NECTIN3: variants seen among roughly 807,000 people sequenced by gnomAD.
The protein encoded by NECTIN3 is nectin-3.
A neutral mutation model predicts 49.4 loss-of-function variants in NECTIN3; 8 were observed. The observed-to-expected ratio is 0.16, with a 90% CI of 0.10 to 0.29. NECTIN3 has a LOEUF of 0.29. Among genes scored for constraint, NECTIN3 ranks in the 10% least tolerant of loss-of-function variants. The pLI is 1.00. For synonymous variants in NECTIN3, 277 were observed against 241.1 expected, an observed-to-expected ratio of 1.15 and a Z score of -1.38; for missense variants, 581 against 654.6, an observed-to-expected ratio of 0.89 and a Z score of 1.23.
At position 111,134,574 on chromosome 3, in the gene NECTIN3, C is replaced by G. The variant is rs1422690370; in HGVS notation, c.*359C>G. The G allele has an allele frequency of 8.4e-6, 8 of 957,218 alleles. No homozygotes were observed. Among genetic ancestry groups the G allele is most frequent in the East Asian group, 1.1e-4 (1 of 9,104 alleles). 59.3% of individuals were successfully genotyped at this position (957,218 alleles called of 1,614,324 possible). On this transcript the variant is annotated 3_prime_UTR_variant, in exon 6 of 6. Transcript: ENST00000485303. ...TTGACATTGTGTATTAAATGTTTACCTAAGACTATAATCTCAAGTATGATG... is the reference window on the plus strand; with the variant it reads ...TTGACATTGTGTATTAAATGTTTACGTAAGACTATAATCTCAAGTATGATG...
chr3:111,106,341 G>T (rs1349557938), intron 1 of NECTIN3, among the ~76,000 whole-genome samples: 1 of 152,082 alleles, frequency 6.6e-6, no homozygotes, highest in Non-Finnish European at 1.5e-5. Flanking sequence ...TGTGACCCAG[G>T]TTTCTCCTTA....
chr3:111,125,262 C>CA (rs1038363593), intron 4 of NECTIN3, among the ~76,000 whole-genome samples: 107 of 152,078 alleles, frequency 7.0e-4, no homozygotes, highest in African/African-American at 2.1e-3. Context: ...CTCCTGACCT[C>CA]AAGTGATGTG....
chr3:111,171,820 C>T (rs1242456877), intron 7 of NECTIN3, among the ~76,000 whole-genome samples: 1 of 151,946 alleles, frequency 6.6e-6, no homozygotes, highest in Non-Finnish European at 1.5e-5. Flanking sequence ...TCGAACAATT[C>T]ACTTCATTAT....
In NECTIN3 at chr3:111,111,654, T is replaced by C. The variant is rs188207271; in HGVS notation, c.161-376T>C. 3.1e-3 allele frequency among the ~76,000 whole-genome samples: 478 copies of C among 152,312 alleles called. 2 individuals carry two copies. The highest frequency in any genetic ancestry group is 5.2e-3 in the Non-Finnish European group (354 of 68,028). ...CTCAGTCTTTCTCACAAGGCTGCAG[T>C]CAAAGTGTCAGCCAGAGCTGGGAAC... On this transcript the variant is annotated intron_variant, in intron 1 of 5. Coordinates refer to ENST00000485303, the MANE Select transcript of NECTIN3 (RefSeq NM_015480.3).
At chr3:111,072,687 A>C in intron 1 of NECTIN3, 2 of 1,075,564 alleles carry the variant, frequency 1.9e-6, no homozygotes, top group Non-Finnish European at 1.3e-6. Flanking sequence ...AGAATCCCCT[A>C]CAGCTAGTTT....
chr3:111,108,518 C>G (rs911935000), intron 1 of NECTIN3, among the ~76,000 whole-genome samples: 6 of 152,036 alleles, frequency 3.9e-5, no homozygotes, highest in African/African-American at 1.4e-4. Flanking sequence ...TACTACCTGT[C>G]TTAGTCAACT....
rs974523702 is a variant in NECTIN3, at chr3:111,087,740, C to T, written c.160+15563C>T. 4.0e-5 allele frequency among the ~76,000 whole-genome samples: 6 copies of T among 151,370 alleles called. No individual in the cohort carries two copies. The East Asian group carries it at 1.2e-3, about 30-fold the overall frequency. ...TTGAGACCGAGTCTTGTTCTGTTGC[C>T]CAGGCTGGAGTGCAATGGCATGATC... On this transcript the variant is annotated intron_variant, in intron 1 of 5. Coordinates refer to ENST00000485303, the MANE Select transcript of NECTIN3 (RefSeq NM_015480.3).
chr3:111,136,287 A>G lies in NECTIN3; in HGVS notation c.*2072A>G. On this transcript the variant is annotated 3_prime_UTR_variant, in exon 6 of 6. Transcript: ENST00000485303. ...ATTAGCAGTGTATTTTAAGAAATAT[A>G]TTTCAAAAATATAAATACTGATTAT... 2 of 972,740 alleles carry G rather than the reference A, an allele frequency of 2.1e-6. No homozygotes were observed. The highest frequency in any genetic ancestry group is 9.5e-5 in the South Asian group (2 of 21,050). The allele number at this position is 972,740 out of a possible 1,614,324, so 60.3% of individuals were successfully genotyped here.
At chr3:111,118,010 C>T (rs2033761626) in intron 2 of NECTIN3, among the ~76,000 whole-genome samples, 1 of 151,540 alleles carries the variant, frequency 6.6e-6, no homozygotes, top group Admixed American at 6.6e-5. Context: ...AGTAATTGAA[C>T]ACATTCAGCA....
At chr3:111,177,501 T>C (rs1017680608) in intron 7 of NECTIN3, among the ~76,000 whole-genome samples, 1 of 152,258 alleles carries the variant, frequency 6.6e-6, no homozygotes, top group East Asian at 1.9e-4. Flanking sequence ...GAACACATCT[T>C]TTAAGATGTG....
chr3:111,159,034 A>G (rs1200256877), intron 7 of NECTIN3, among the ~76,000 whole-genome samples: 2 of 152,212 alleles, frequency 1.3e-5, no homozygotes, highest in Non-Finnish European at 2.9e-5. Flanking sequence ...ATGAATTGCC[A>G]CTGCACATCC....
At chr3:111,179,796 G>A (rs1008587291) in intron 7 of NECTIN3, among the ~76,000 whole-genome samples, 1 of 151,784 alleles carries the variant, frequency 6.6e-6, no homozygotes. Flanking sequence ...GGAAGGCTGA[G>A]GCAGAAGAAT....
intron 1 of NECTIN3, among the ~76,000 whole-genome samples, chr3:111,079,530 A>T (rs553579631): frequency 3.0e-4 from 45 of 152,008 alleles, no homozygotes; most frequent in African/African-American, 1.1e-3. Flanking sequence ...GAGATACCAT[A>T]CCTACTTTAT....
In NECTIN3 at chr3:111,080,460, T is replaced by C. The variant is rs111824456; in HGVS notation, c.160+8283T>C. ...CTTGAAATATAAAACAAATTTGAAG[T>C]TCCCTAAGAAAAATACATGTTTTTC... On this transcript the variant is annotated intron_variant, in intron 1 of 5. Coordinates refer to ENST00000485303, the MANE Select transcript of NECTIN3 (RefSeq NM_015480.3). 3.2e-3 allele frequency among the ~76,000 whole-genome samples: 488 copies of C among 152,250 alleles called. 4 individuals are homozygous for C. Among genetic ancestry groups the C allele is most frequent in the African/African-American group, 0.011 (460 of 41,570 alleles).
Position 111,130,326 on chromosome 3 carries a change from A to G in NECTIN3, c.1070-3309A>G, listed in dbSNP as rs1469777892. Among the ~76,000 whole-genome samples the G allele has an allele frequency of 4.6e-5, 7 of 151,598 alleles. No individual in the cohort carries two copies. In the South Asian group the frequency reaches 1.5e-3, roughly 32 times the overall value. On this transcript the variant is annotated intron_variant, in intron 5 of 5. Coordinates refer to ENST00000485303, the MANE Select transcript of NECTIN3 (RefSeq NM_015480.3). ...TTCTATCCAGAGTCTGTAACACAGC[A>G]TACTATCCTGAGATTAGTTAACTCA...
chr3:111,159,935 T>C (rs983049131), intron 7 of NECTIN3, among the ~76,000 whole-genome samples: 2 of 152,238 alleles, frequency 1.3e-5, no homozygotes, highest in African/African-American at 4.8e-5. Context: ...CCTTCAGGAA[T>C]TGTTTGATAG....
intron 1 of NECTIN3, among the ~76,000 whole-genome samples, chr3:111,079,999 T>C (rs1198292422): frequency 1.3e-5 from 2 of 152,066 alleles, no homozygotes; most frequent in Non-Finnish European, 2.9e-5. Context: ...TGTATACTAG[T>C]ACAGTGCCAA....
rs1007020321 is a variant in NECTIN3, at chr3:111,110,732, A to G, written c.161-1298A>G. 4.6e-5 allele frequency among the ~76,000 whole-genome samples: 7 copies of G among 152,052 alleles called. No homozygotes were observed. In the East Asian group the frequency reaches 5.8e-4, roughly 13 times the overall value. On this transcript the variant is annotated intron_variant, in intron 1 of 5. Coordinates refer to ENST00000485303, the MANE Select transcript of NECTIN3 (RefSeq NM_015480.3). ...CAGGGCCTGATACTTTTTTGAAGCAATGGTTAAAAAACTGAAACTTAAATT... is the reference window on the plus strand; with the variant it reads ...CAGGGCCTGATACTTTTTTGAAGCAGTGGTTAAAAAACTGAAACTTAAATT...
At chr3:111,161,640 A>G (rs1352988091) in intron 7 of NECTIN3, among the ~76,000 whole-genome samples, 3 of 152,184 alleles carry the variant, frequency 2.0e-5, no homozygotes, top group South Asian at 2.1e-4. Context: ...TGCGCATGCA[A>G]GGGATCTAGG....
Sources: gnomAD v4.1 joint callset for allele counts (sites outside exome capture counted in the v4.1 genomes callset) on GRCh38, gnomAD v4.1.1 for gene constraint, MANE v1.5 for transcripts, NCBI Gene and HGNC (gene_info 2026-07-23, HGNC 2026-07-21) for gene names.